MTMR8: variants seen among roughly 807,000 people sequenced by gnomAD.
MTMR8 encodes myotubularin related protein 8.
In MTMR8, 65 loss-of-function variants were observed where a neutral mutation model predicts 39.3. The ratio of observed to expected loss-of-function variants is 1.65; its 90% confidence interval spans 1.35 to 2.03. The LOEUF is 2.03. MTMR8 is among the 30% of genes most tolerant of loss of function. MTMR8 has a pLI of 0.00. For synonymous variants in MTMR8, 245 were observed against 185.2 expected, an observed-to-expected ratio of 1.32 and a Z score of -2.62; for missense variants, 777 against 538.9, an observed-to-expected ratio of 1.44 and a Z score of -4.37.
At chrX:64,316,598 T>A (rs1922472005) in intron 12 of MTMR8, among the ~76,000 whole-genome samples, 1 of 110,479 alleles carries the variant, frequency 9.1e-6, no homozygotes, top group Non-Finnish European at 1.9e-5. Context: ...CAGTGAGCCA[T>A]GATTGCACCA....
At chrX:64,330,594 T>C (rs895139560) in intron 11 of MTMR8, among the ~76,000 whole-genome samples, 1 of 111,835 alleles carries the variant, frequency 8.9e-6, no homozygotes, top group African/African-American at 3.2e-5. Flanking sequence ...GAGCTCTACC[T>C]TGTCAATTTT....
rs193298713 is a variant in MTMR8 at position 64,276,377 on chromosome X, A to T, written c.1482-5304T>A. Among the ~76,000 whole-genome samples, 7 of 111,404 alleles carry T rather than the reference A, an allele frequency of 6.3e-5. No individual in the cohort carries two copies. The South Asian group carries it at 2.3e-3, about 36-fold the overall frequency. On this transcript the variant is annotated intron_variant, in intron 12 of 13. Coordinates refer to ENST00000374852, the MANE Select transcript of MTMR8 (RefSeq NM_017677.4). Reference sequence around the variant, plus strand: ...TAGAACATCTCTAGTTCTAGATGTTAGGGTGCTGATCTTAGATCTTTCCTG... The same window carrying T: ...TAGAACATCTCTAGTTCTAGATGTTTGGGTGCTGATCTTAGATCTTTCCTG...
intron 12 of MTMR8, among the ~76,000 whole-genome samples, chrX:64,292,581 A>G (rs967007782): frequency 6.3e-5 from 7 of 110,716 alleles, no homozygotes; most frequent in Non-Finnish European, 1.1e-4. Context: ...AGGGACTAGG[A>G]TCATTTACCC....
At chrX:64,269,146 G>C (rs1931699543) in intron 13 of MTMR8, 103 bp from the exon 14 acceptor site, 4 of 864,648 alleles carry the variant, frequency 4.6e-6, no homozygotes, top group Non-Finnish European at 6.5e-6. Flanking sequence ...CACTTATAAT[G>C]GTAGCAAATG....
Position 64,370,057 on chromosome X carries a change from G to C in MTMR8, c.25-10530C>G, listed in dbSNP as rs912506931. The stretch of plus-strand genomic sequence containing the variant: ...TGCCTGAGATGGGGGAGTGGAATGG[G>C]AAAAAAATGGGCTAAGTAATTAAAT... On this transcript the variant is annotated intron_variant, in intron 1 of 13. Coordinates refer to ENST00000374852, the MANE Select transcript of MTMR8 (RefSeq NM_017677.4). Among the ~76,000 whole-genome samples the C allele has an allele frequency of 4.5e-5, 5 of 110,664 alleles. No individual in the cohort carries two copies. In the Admixed American group the frequency reaches 4.8e-4, roughly 11 times the overall value.
At chrX:64,361,501 T>C (rs1416532129) in intron 1 of MTMR8, among the ~76,000 whole-genome samples, 2 of 111,423 alleles carry the variant, frequency 1.8e-5, no homozygotes, top group African/African-American at 6.5e-5. Context: ...CAAGTGCAGT[T>C]TATCACAAGA....
At chrX:64,378,449 C>T (rs1197551639) in intron 1 of MTMR8, among the ~76,000 whole-genome samples, 5 of 111,431 alleles carry the variant, frequency 4.5e-5, no homozygotes, top group African/African-American at 9.8e-5. Context: ...TCAAACTCCC[C>T]GCCTCAAACG....
intron 12 of MTMR8, among the ~76,000 whole-genome samples, chrX:64,300,967 C>T (rs1408580507): frequency 1.8e-5 from 2 of 108,505 alleles, no homozygotes; most frequent in Non-Finnish European, 3.8e-5. Context: ...GATGGGCTTC[C>T]CTTTGAGGGT....
rs1309755169 is a variant in MTMR8, at chrX:64,301,612, G to T, written c.1481+27160C>A. ...ATTCTCCATCCAGCTTTGTTCCATT[G>T]CTGGTGAGGAACTGCGTTCCTTTGG... On this transcript the variant is annotated intron_variant, in intron 12 of 13. Transcript: ENST00000374852. Among the ~76,000 whole-genome samples the T allele has an allele frequency of 3.6e-5, 4 of 112,086 alleles. No homozygotes were observed. In the Admixed American group the frequency reaches 3.8e-4, roughly 11 times the overall value.
intron 1 of MTMR8, among the ~76,000 whole-genome samples, chrX:64,382,035 T>C (rs1407768215): frequency 9.0e-6 from 1 of 111,504 alleles, no homozygotes; most frequent in Non-Finnish European, 1.9e-5. Flanking sequence ...AGTCAGGTAG[T>C]GTGATGCCTC....
intron 12 of MTMR8, among the ~76,000 whole-genome samples, chrX:64,315,493 T>C (rs994700344): frequency 2.7e-5 from 3 of 112,121 alleles, no homozygotes; most frequent in Non-Finnish European, 5.6e-5. Flanking sequence ...GGCTGTGTCA[T>C]CAGCCATCTT....
At chrX:64,304,279 TA>T (rs201425266) in intron 12 of MTMR8, among the ~76,000 whole-genome samples, 9,232 of 111,685 alleles carry the variant, frequency 0.083, 997 homozygotes, top group African/African-American at 0.29. Context: ...CAGTGTACAT[TA>T]ACACTCAGGA....
intron 1 of MTMR8, among the ~76,000 whole-genome samples, chrX:64,365,600 C>G (rs1381525974): frequency 9.0e-6 from 1 of 111,571 alleles, no homozygotes; most frequent in Non-Finnish European, 1.9e-5. Flanking sequence ...TACAAGGGCT[C>G]CTGAAGGAAG....
intron 1 of MTMR8, among the ~76,000 whole-genome samples, chrX:64,363,970 G>A (rs891065561): frequency 8.0e-5 from 9 of 112,554 alleles, no homozygotes; most frequent in African/African-American, 1.9e-4. Flanking sequence ...CCACGCCCAC[G>A]GAGCCTTGCT....
intron 1 of MTMR8, among the ~76,000 whole-genome samples, chrX:64,385,838 T>A (rs189879673): frequency 1.8e-5 from 2 of 111,754 alleles, no homozygotes; most frequent in African/African-American, 6.5e-5. Flanking sequence ...CATTGGGGAC[T>A]ACAATTCAAC....
intron 1 of MTMR8, among the ~76,000 whole-genome samples, chrX:64,383,977 C>T (rs1924496612): frequency 9.0e-6 from 1 of 111,714 alleles, no homozygotes; most frequent in Admixed American, 9.5e-5. Flanking sequence ...TAGGTTCCTT[C>T]TACTTTCTAG....
Position 64,354,834 on chromosome X carries a change from C to T in MTMR8, c.411G>A (p.Gly137=). 8.3e-7 allele frequency: 1 copy of T among 1,206,750 alleles called. No homozygotes were observed. The highest frequency in any genetic ancestry group is 1.1e-6 in the Non-Finnish European group (1 of 892,632). The change falls in exon 4 of 14, where the codon GGG becomes GGA. Residue 137 remains glycine, a synonymous_variant. Coordinates refer to ENST00000374852, the MANE Select transcript of MTMR8 (RefSeq NM_017677.4). ...AGTTTCTGTTGGGTATTCCCATACG[C>T]CCAAAGTCTGATATTGGGTCAATCA... ...WKLIDPISDF[G]RMGIPNRNWT...
intron 12 of MTMR8, among the ~76,000 whole-genome samples, chrX:64,285,511 A>G (rs1921131632): frequency 1.8e-5 from 2 of 111,964 alleles, no homozygotes; most frequent in South Asian, 3.8e-4. Context: ...CCAAATCAAC[A>G]GAATATACAT....
At chrX:64,297,537 T>C (rs1451004664) in intron 12 of MTMR8, among the ~76,000 whole-genome samples, 2 of 88,322 alleles carry the variant, frequency 2.3e-5, no homozygotes, top group East Asian at 7.6e-4. Flanking sequence ...AGGTTGCCTG[T>C]TCACTCTGAT....
Sources: allele counts gnomAD v4.1 joint callset (sites outside exome capture counted in the v4.1 genomes callset), GRCh38; gene constraint gnomAD v4.1.1; transcripts MANE v1.5; gene names NCBI Gene and HGNC (gene_info 2026-07-23, HGNC 2026-07-21).